UNC13C: variants seen among roughly 807,000 people sequenced by gnomAD.
The protein encoded by UNC13C is unc-13 homolog C.
Under a neutral mutation model 245.4 loss-of-function variants are expected in UNC13C, and 174 were observed. That is an observed-to-expected ratio of 0.71 (90% CI 0.63 to 0.80). The LOEUF (loss-of-function observed/expected upper bound fraction) is 0.80, where lower values mean the gene tolerates loss of function less well. UNC13C is among the 30% of genes least tolerant of loss of function. The pLI is 0.00. For synonymous variants in UNC13C, 992 were observed against 895.1 expected, an observed-to-expected ratio of 1.11 and a Z score of -1.93; for missense variants, 2,829 against 2,602.9, an observed-to-expected ratio of 1.09 and a Z score of -1.89.
At chr15:54,023,533 A>G (rs536889952) in intron 2 of UNC13C, among the ~76,000 whole-genome samples, 1 of 152,310 alleles carries the variant, frequency 6.6e-6, no homozygotes, top group East Asian at 1.9e-4. Context: ...AAAAGATTTT[A>G]TTAGGGGTGA....
At chr15:54,108,257 G>C (rs1351438536) in intron 2 of UNC13C, among the ~76,000 whole-genome samples, 1 of 152,084 alleles carries the variant, frequency 6.6e-6, no homozygotes, top group Admixed American at 6.5e-5. Flanking sequence ...CGCGATCTTG[G>C]CTCGCTGCAA....
intron 8 of UNC13C, among the ~76,000 whole-genome samples, chr15:54,261,109 T>A (rs1013589458): frequency 6.6e-6 from 1 of 152,218 alleles, no homozygotes; most frequent in African/African-American, 2.4e-5. Flanking sequence ...TTGGATATTA[T>A]ACTCTATAAA....
rs148128694 is a variant in UNC13C at position 54,250,300 on chromosome 15, G to A, written c.3304G>A (p.Val1102Ile). The A allele has an allele frequency of 1.2e-4, 195 of 1,613,914 alleles. 1 individual carries two copies. The East Asian group carries it at 4.3e-3, about 35-fold the overall frequency. Residue 1102 changes from valine (V) to isoleucine (I), a missense_variant, in exon 8 of 33, where the codon GTC becomes ATC. Transcript: ENST00000260323. ...MSSTIPHNFEVWTATTPTYCY... is the reference protein window; with the variant it reads ...MSSTIPHNFEIWTATTPTYCY... ...TTCTACCATCCCACACAATTTTGAG[G>A]TCTGGACGGCTACCACACCCACCTA...
intron 18 of UNC13C, among the ~76,000 whole-genome samples, chr15:54,412,965 G>A (rs1233087111): frequency 1.3e-5 from 2 of 151,890 alleles, no homozygotes; most frequent in African/African-American, 4.8e-5. Context: ...TCTTTCAGAG[G>A]GATTTTAAAT....
At chr15:54,250,796 GC>G (rs1303584444) in intron 8 of UNC13C, among the ~76,000 whole-genome samples, 6 of 101,978 alleles carry the variant, frequency 5.9e-5, no homozygotes, top group African/African-American at 2.5e-4. Context: ...TCACTCTGTC[GC>G]CCCAGCTGGG....
At chr15:53,843,825 G>C in the UNC13C span, among the ~76,000 whole-genome samples, 5 of 152,166 alleles carry the variant, frequency 3.3e-5, no homozygotes, top group Non-Finnish European at 7.4e-5. Flanking sequence ...TCACTAGTGA[G>C]AGGAAGTCCA....
intron 4 of UNC13C, among the ~76,000 whole-genome samples, chr15:54,182,859 TAAAAAG>T (rs2033847392): frequency 6.6e-6 from 1 of 151,964 alleles, no homozygotes; most frequent in Non-Finnish European, 1.5e-5. Context: ...TATTGATTGT[TAAAAAG>T]AAATGATATA....
intron 17 of UNC13C, among the ~76,000 whole-genome samples, chr15:54,392,267 A>C (rs779913504): frequency 7.2e-5 from 11 of 152,228 alleles, no homozygotes; most frequent in Admixed American, 3.3e-4. Flanking sequence ...TGAAATTTAT[A>C]TGTGAAACAT....
chr15:54,521,967 G>A (rs1414034724), intron 24 of UNC13C, among the ~76,000 whole-genome samples: 1 of 152,152 alleles, frequency 6.6e-6, no homozygotes, highest in Non-Finnish European at 1.5e-5. Flanking sequence ...TATGGAAGAG[G>A]TAGATTTATA....
chr15:53,839,533 C>T, the UNC13C span, among the ~76,000 whole-genome samples: 1 of 151,980 alleles, frequency 6.6e-6, no homozygotes, highest in African/African-American at 2.4e-5. Context: ...TAATTTTCAT[C>T]ATTTTCTTTT....
At chr15:53,883,090 A>G in the UNC13C span, among the ~76,000 whole-genome samples, 1 of 152,204 alleles carries the variant, frequency 6.6e-6, no homozygotes, top group Non-Finnish European at 1.5e-5. Flanking sequence ...AAAATCTGGG[A>G]AGAGCACTAT....
chr15:54,332,205 A>C, intron 15 of UNC13C, 94 bp downstream of exon 15: 1 of 859,800 alleles, frequency 1.2e-6, no homozygotes, highest in East Asian at 2.7e-5. Context: ...GTAATAGAAA[A>C]ATAAAAATAT....
At chr15:53,865,969 A>T in the UNC13C span, among the ~76,000 whole-genome samples, 1 of 152,164 alleles carries the variant, frequency 6.6e-6, no homozygotes, top group Non-Finnish European at 1.5e-5. Flanking sequence ...AATAACAAAT[A>T]AATAACTAAA....
chr15:54,444,971 C>A (rs889800489), intron 19 of UNC13C, among the ~76,000 whole-genome samples: 1 of 126,100 alleles, frequency 7.9e-6, no homozygotes, highest in Non-Finnish European at 1.6e-5. Flanking sequence ...CCCCCTCCCC[C>A]CACCCCACAA....
the UNC13C span, among the ~76,000 whole-genome samples, chr15:53,938,764 A>T: frequency 9.2e-5 from 14 of 152,342 alleles, no homozygotes; most frequent in East Asian, 2.3e-3. Context: ...TCCTGGGAAA[A>T]TAATGAAATT....
chr15:54,599,110 G>T (rs569715581), intron 30 of UNC13C, among the ~76,000 whole-genome samples: 1 of 151,756 alleles, frequency 6.6e-6, no homozygotes, highest in South Asian at 2.1e-4. Context: ...ATATTATCTG[G>T]TCACACATAT....
chr15:54,371,224 CT>C (rs750466458), intron 17 of UNC13C, among the ~76,000 whole-genome samples: 1 of 152,158 alleles, frequency 6.6e-6, no homozygotes, highest in African/African-American at 2.4e-5. Flanking sequence ...CATCATTTTA[CT>C]CTCGGCTTCT....
chr15:54,128,404 A>G (rs916871018), intron 2 of UNC13C, among the ~76,000 whole-genome samples: 2 of 152,146 alleles, frequency 1.3e-5, no homozygotes, highest in Non-Finnish European at 2.9e-5. Flanking sequence ...TGTTTCAGAC[A>G]TATTTAGAAT....
the UNC13C span, among the ~76,000 whole-genome samples, chr15:53,898,391 G>A: frequency 6.8e-6 from 1 of 147,550 alleles, no homozygotes; most frequent in African/African-American, 2.5e-5. Flanking sequence ...AAAGTCTATT[G>A]AAATTCTTTT....
Sources: allele counts gnomAD v4.1 joint callset (sites outside exome capture counted in the v4.1 genomes callset), GRCh38; gene constraint gnomAD v4.1.1; transcripts MANE v1.5; gene names NCBI Gene and HGNC (gene_info 2026-07-23, HGNC 2026-07-21).